The following ZRANB3 variants were observed in gnomAD, a reference collection of about 807,000 sequenced individuals.
ZRANB3 encodes the protein DNA annealing helicase and endonuclease ZRANB3.
A neutral mutation model predicts 133.8 loss-of-function variants in ZRANB3; 125 were observed. That is an observed-to-expected ratio of 0.93 (90% confidence interval 0.81 to 1.08). The LOEUF (loss-of-function observed/expected upper bound fraction) is 1.08. ZRANB3 is among the 50% of genes least tolerant of loss of function. The pLI is 0.00. For missense variants in ZRANB3, 1,229 were observed against 1,275.5 expected (o/e 0.96, Z 0.56); for synonymous variants, 387 against 432.7 (o/e 0.89, Z 1.31).
At chr2:135,478,651 T>C (rs965087243) in intron 2 of ZRANB3, among the ~76,000 whole-genome samples, 1 of 152,182 alleles carries the variant, frequency 6.6e-6, no homozygotes, top group African/African-American at 2.4e-5. Context: ...CCGGTTGTTA[T>C]GGTAGTGATA....
chr2:135,508,359 A>G (rs1049240197), intron 1 of ZRANB3, among the ~76,000 whole-genome samples: 9 of 152,062 alleles, frequency 5.9e-5, no homozygotes, highest in African/African-American at 2.2e-4. Context: ...AGATGGTCTC[A>G]ATCTCCTGAC....
rs1338914712 is a variant in ZRANB3 at position 135,198,049 on chromosome 2, T to TCATTGTACCCACCTGTGTTTTCACTC, written c.*2267_*2292dup. The TCATTGTACCCACCTGTGTTTTCACTC allele has an allele frequency of 6.6e-6, 1 of 152,272 alleles. No individual in the cohort carries two copies. The highest frequency in any genetic ancestry group is 1.9e-4 in the East Asian group (1 of 5,194). The allele number at this position is 152,272 out of a possible 1,614,324, so 9.4% of individuals were successfully genotyped here. ...CAGAGCCAGGCCTATCCTTTTACAC[T>TCATTGTACCCACCTGTGTTTTCACTC]CATTGTACCCACCTGTGTTTTCACT... On this transcript the variant is annotated 3_prime_UTR_variant, in exon 21 of 21. Transcript: ENST00000264159.
At chr2:135,288,947 A>G (rs911425900) in intron 8 of ZRANB3, among the ~76,000 whole-genome samples, 1 of 139,514 alleles carries the variant, frequency 7.2e-6, no homozygotes, top group African/African-American at 2.8e-5. Flanking sequence ...GACTTTTGTT[A>G]TTTCTTTTCT....
At chr2:135,302,701 T>C (rs1241268258) in intron 8 of ZRANB3, among the ~76,000 whole-genome samples, 1 of 152,018 alleles carries the variant, frequency 6.6e-6, no homozygotes, top group African/African-American at 2.4e-5. Context: ...AATTTTTGTA[T>C]TTTTAGTAGA....
At chr2:135,321,096 G>A (rs1455711644) in intron 6 of ZRANB3, among the ~76,000 whole-genome samples, 1 of 152,168 alleles carries the variant, frequency 6.6e-6, no homozygotes, top group African/African-American at 2.4e-5. Context: ...TATAAATAAA[G>A]CTACTATAAA....
At chr2:135,512,054 C>A in intron 1 of ZRANB3, 1 of 510,608 alleles carries the variant, frequency 2.0e-6, no homozygotes, top group East Asian at 3.1e-5. Context: ...GCAGAAACCC[C>A]TCATGCAACT....
At chr2:135,487,920 G>A (rs1176586016) in intron 2 of ZRANB3, among the ~76,000 whole-genome samples, 1 of 152,148 alleles carries the variant, frequency 6.6e-6, no homozygotes, top group African/African-American at 2.4e-5. Flanking sequence ...CACAACTTGG[G>A]CTAACTGTCT....
intron 8 of ZRANB3, among the ~76,000 whole-genome samples, chr2:135,302,595 A>T (rs1236026388): frequency 6.7e-6 from 1 of 149,338 alleles, no homozygotes; most frequent in African/African-American, 2.5e-5. Context: ...GCACCATCTT[A>T]GCTCACTACA....
intron 17 of ZRANB3, 33 bp downstream of exon 17, chr2:135,217,432 A>G (rs1464083545): frequency 6.4e-7 from 1 of 1,560,238 alleles, no homozygotes; most frequent in African/African-American, 1.4e-5. Context: ...GAAAAGTAAT[A>G]TAATACAAAA....
At chr2:135,334,272 C>G (rs902343288) in intron 6 of ZRANB3, among the ~76,000 whole-genome samples, 7 of 152,116 alleles carry the variant, frequency 4.6e-5, no homozygotes, top group Non-Finnish European at 1.0e-4. Context: ...TAGAAGCACC[C>G]CTTACTCCAA....
chr2:135,204,912 C>A (rs902224189), intron 19 of ZRANB3, among the ~76,000 whole-genome samples: 1 of 151,734 alleles, frequency 6.6e-6, no homozygotes, highest in African/African-American at 2.4e-5. Flanking sequence ...GGACAGGTTG[C>A]TTTCAATGAC....
Position 135,334,257 on chromosome 2 carries a change from T to C in ZRANB3, c.677+11293A>G, listed in dbSNP as rs183207503. ...CTCTAAATGCAGTCTAATCAATGAA[T>C]GGAGTAGAAGCACCCCTTACTCCAA... On this transcript the variant is annotated intron_variant, in intron 6 of 20. Coordinates refer to ENST00000264159, the MANE Select transcript of ZRANB3 (RefSeq NM_032143.4). Among the ~76,000 whole-genome samples the C allele has an allele frequency of 3.2e-4, 49 of 152,354 alleles. 1 individual carries two copies. Among genetic ancestry groups the C allele is most frequent in the Admixed American group, 9.2e-4 (14 of 15,298 alleles).
intron 2 of ZRANB3, among the ~76,000 whole-genome samples, chr2:135,498,733 G>A (rs1247501553): frequency 6.6e-6 from 1 of 152,124 alleles, no homozygotes; most frequent in Non-Finnish European, 1.5e-5. Flanking sequence ...GTGTTCCCAA[G>A]GGAAGGTCTC....
intron 15 of ZRANB3, among the ~76,000 whole-genome samples, chr2:135,220,679 CAG>C (rs1694506685): frequency 8.6e-6 from 1 of 116,526 alleles, no homozygotes; most frequent in African/African-American, 3.5e-5. Flanking sequence ...GCCTGGGTGG[CAG>C]AGAGAGACTC....
intron 8 of ZRANB3, among the ~76,000 whole-genome samples, chr2:135,301,261 C>T (rs1363724366): frequency 4.0e-5 from 6 of 151,750 alleles, no homozygotes; most frequent in African/African-American, 1.2e-4. Context: ...TCTCACCCCA[C>T]CGCAACCTCT....
chr2:135,273,445 T>C (rs903225567), intron 9 of ZRANB3, among the ~76,000 whole-genome samples: 1 of 152,102 alleles, frequency 6.6e-6, no homozygotes, highest in African/African-American at 2.4e-5. Flanking sequence ...TTAAGGAAGA[T>C]TATAAAATTC....
At chr2:135,486,702 T>C (rs560471626) in intron 2 of ZRANB3, among the ~76,000 whole-genome samples, 25 of 152,074 alleles carry the variant, frequency 1.6e-4, no homozygotes, top group Non-Finnish European at 3.1e-4. Flanking sequence ...TCAGTAGAGA[T>C]GGGATTTTGC....
At chr2:135,494,295 A>G (rs2104810328) in intron 2 of ZRANB3, among the ~76,000 whole-genome samples, 1 of 145,896 alleles carries the variant, frequency 6.9e-6, no homozygotes, top group Non-Finnish European at 1.5e-5. Context: ...GTGACAGAGC[A>G]AGACTCCGTC....
At chr2:135,211,628 G>T (rs188330453) in intron 17 of ZRANB3, among the ~76,000 whole-genome samples, 4 of 152,186 alleles carry the variant, frequency 2.6e-5, no homozygotes, top group Admixed American at 2.6e-4. Context: ...TAATAGCATA[G>T]CATATACACT....
Sources: allele counts gnomAD v4.1 joint callset (sites outside exome capture counted in the v4.1 genomes callset), GRCh38; gene constraint gnomAD v4.1.1; transcripts MANE v1.5; gene names NCBI Gene and HGNC (gene_info 2026-07-23, HGNC 2026-07-21).